Variants in CHFR observed in about 807,000 individuals in gnomAD.
CHFR encodes checkpoint with forkhead and ring finger domains.
CHFR carries 57 observed loss-of-function variants against 87.6 expected under a neutral mutation model. The ratio of observed to expected loss-of-function variants is 0.65; its 90% CI spans 0.53 to 0.81. The LOEUF is 0.81. Ranked by LOEUF, CHFR falls within the 30% of genes least tolerant of loss-of-function variation. The pLI is 0.00. For missense variants in CHFR, 797 were observed against 865.8 expected, an observed-to-expected ratio of 0.92 and a Z score of 1.00; for synonymous variants, 381 against 359.2, an observed-to-expected ratio of 1.06 and a Z score of -0.69.
chr12:132,879,401 T>C (rs538708822), intron 2 of CHFR, among the ~76,000 whole-genome samples: 23 of 151,402 alleles, frequency 1.5e-4, no homozygotes, highest in Non-Finnish European at 2.8e-4. Context: ...TTTTCTTTTT[T>C]TTTTTTTGAG....
At chr12:132,859,009 C>T (rs4758955) in intron 8 of CHFR, 59 bp downstream of exon 8, 311,147 of 1,536,066 alleles carry the variant, frequency 0.2, 32,850 homozygotes, top group African/African-American at 0.28. Context: ...CCCTGCCCCA[C>T]ACGGGACGAA....
chr12:132,865,387 G>T (rs1269472087), intron 6 of CHFR, among the ~76,000 whole-genome samples: 2 of 151,848 alleles, frequency 1.3e-5, no homozygotes, highest in African/African-American at 4.8e-5. Context: ...TTGAGACCTG[G>T]TCTGTCGCCC....
intron 12 of CHFR, among the ~76,000 whole-genome samples, chr12:132,850,359 C>T (rs6560907): frequency 0.21 from 31,354 of 152,066 alleles, 3,466 homozygotes; most frequent in African/African-American, 0.27. Flanking sequence ...CCTCTATATA[C>T]GAAGCATGCT....
intron 3 of CHFR, among the ~76,000 whole-genome samples, chr12:132,874,715 C>T (rs1158455213): frequency 1.4e-5 from 2 of 142,342 alleles, no homozygotes; most frequent in Non-Finnish European, 3.0e-5. Context: ...CCGGAACAGG[C>T]AGGAAGGCCC....
At chr12:132,841,841 C>A (rs1393641972) in intron 17 of CHFR, among the ~76,000 whole-genome samples, 1 of 152,114 alleles carries the variant, frequency 6.6e-6, no homozygotes, top group African/African-American at 2.4e-5. Flanking sequence ...CGCACAGTGG[C>A]TAATGTCTGT....
chr12:132,873,612 T>C (rs71452544), intron 3 of CHFR, among the ~76,000 whole-genome samples: 7,224 of 139,228 alleles, frequency 0.052, 386 homozygotes, highest in Middle Eastern at 0.11. Context: ...ACTGACTTTC[T>C]GTGTCCTCCT....
rs556075693 is a variant in CHFR at position 132,838,376 on chromosome 12, A to G, written c.*3178T>C. On this transcript the variant is annotated 3_prime_UTR_variant, in exon 18 of 18. Transcript: ENST00000450056. ...GACTTCCTGGCTGCAGTCAGAAGCT[A>G]TGACAGAGGCCATCCCAGAGAGGCC... is the stretch of plus-strand genomic sequence containing the variant. 17 of 152,426 alleles carry G rather than the reference A, an allele frequency of 1.1e-4. No homozygotes were observed. Among genetic ancestry groups the G allele is most frequent in the Non-Finnish European group, 2.2e-4 (15 of 68,088 alleles). The allele number at this position is 152,426 out of a possible 1,614,324, so 9.4% of individuals were successfully genotyped here.
In CHFR at chr12:132,840,834, G is replaced by C. The variant is rs1950693259; in HGVS notation, c.*720C>G. 1 of 152,374 alleles carries C rather than the reference G, an allele frequency of 6.6e-6. No individual in the cohort carries two copies. Among genetic ancestry groups the C allele is most frequent in the South Asian group, 2.1e-4 (1 of 4,836 alleles). The allele number at this position is 152,374 out of a possible 1,614,324, so 9.4% of individuals were successfully genotyped here. A position where few individuals can be genotyped will look rare whatever the true frequency, so the allele number is the denominator to read the frequency against. ...GACCTGCGTCCAGCCCCAGGCTCGGGGCCGCGGTCACTCACCGGTTAGCAA... is the reference window on the plus strand; with the variant it reads ...GACCTGCGTCCAGCCCCAGGCTCGGCGCCGCGGTCACTCACCGGTTAGCAA... On this transcript the variant is annotated 3_prime_UTR_variant, in exon 18 of 18. Coordinates refer to ENST00000450056, the MANE Select transcript of CHFR (RefSeq NM_001161346.2).
Position 132,841,377 on chromosome 12 carries a change from G to T in CHFR, c.*177C>A. 1.7e-6 allele frequency: 1 copy of T among 596,512 alleles called. No homozygotes were observed. The highest frequency in any genetic ancestry group is 3.0e-6 in the Non-Finnish European group (1 of 337,388). The allele number at this position is 596,512 out of a possible 1,614,324, so 37.0% of individuals were successfully genotyped here. On this transcript the variant is annotated 3_prime_UTR_variant, in exon 18 of 18. Transcript: ENST00000450056. ...GGGCTGCGGCCCCCGGGGCTCTGGG[G>T]AGGGTCTCACTCAGAGGGTAAAGCT...
chr12:132,857,660 G>A (rs1046034383), intron 8 of CHFR, 101 bp from the exon 9 acceptor site: 7 of 1,171,442 alleles, frequency 6.0e-6, no homozygotes, highest in Admixed American at 2.4e-5. Context: ...GCCTACAGGG[G>A]CCCAGCCATC....
At chr12:132,873,802 G>A (rs548921231) in intron 3 of CHFR, among the ~76,000 whole-genome samples, 3 of 152,326 alleles carry the variant, frequency 2.0e-5, no homozygotes, top group South Asian at 2.1e-4. Context: ...GCCGAGGGGC[G>A]ACTGCAGCCA....
chr12:132,848,832 AG>A, intron 12 of CHFR, 108 bp from the exon 13 acceptor site: 1 of 830,664 alleles, frequency 1.2e-6, no homozygotes, highest in Admixed American at 2.4e-5. Flanking sequence ...AACATTGTTC[AG>A]GAGGGGTCTC....
chr12:132,875,897 G>C (rs12832132), intron 3 of CHFR, among the ~76,000 whole-genome samples: 1 of 151,972 alleles, frequency 6.6e-6, no homozygotes, highest in South Asian at 2.1e-4. Context: ...AAAGCTGGCC[G>C]GGCGCGATGG....
At chr12:132,880,048 T>C (rs1349661297) in intron 2 of CHFR, among the ~76,000 whole-genome samples, 2 of 152,186 alleles carry the variant, frequency 1.3e-5, no homozygotes, top group African/African-American at 4.8e-5. Flanking sequence ...CCAGAGGGCT[T>C]GTAGACACTG....
intron 17 of CHFR, 137 bp from the exon 18 acceptor site, chr12:132,841,733 G>A: frequency 2.7e-6 from 2 of 750,418 alleles, no homozygotes; most frequent in Admixed American, 2.0e-5. Flanking sequence ...CTGAGAAAGA[G>A]TGTGTGTGCT....
intron 3 of CHFR, among the ~76,000 whole-genome samples, chr12:132,873,980 C>G (rs1951557180): frequency 6.6e-6 from 1 of 152,184 alleles, no homozygotes; most frequent in Non-Finnish European, 1.5e-5. Context: ...GCTCAGGGGC[C>G]CCTACACACG....
chr12:132,848,081 G>A lies in CHFR; in HGVS notation c.1647+4C>T. The A allele has an allele frequency of 6.2e-7, 1 of 1,614,016 alleles. No homozygotes were observed. Among genetic ancestry groups the A allele is most frequent in the South Asian group, 1.1e-5 (1 of 91,080 alleles). On this transcript the variant is annotated splice_donor_region_variant and intron_variant, in intron 14 of 17. Transcript: ENST00000450056. Reference sequence around the variant, plus strand: ...CGGCTCCCCAGCCCGCAGCGAGTCGGTACCTTCAGGATGTCTGACTCGTAG... The same window carrying A: ...CGGCTCCCCAGCCCGCAGCGAGTCGATACCTTCAGGATGTCTGACTCGTAG...
intron 2 of CHFR, among the ~76,000 whole-genome samples, chr12:132,886,396 T>C (rs1279089854): frequency 1.3e-5 from 2 of 151,424 alleles, no homozygotes; most frequent in African/African-American, 4.9e-5. Context: ...AAAAATTGCT[T>C]CCAAACAGCA....
intron 2 of CHFR, among the ~76,000 whole-genome samples, chr12:132,885,733 C>T (rs1036777502): frequency 1.3e-5 from 2 of 152,164 alleles, no homozygotes; most frequent in Non-Finnish European, 2.9e-5. Context: ...ATCTCATTAA[C>T]TCCTCAGAGC....
Sources: gnomAD v4.1 joint callset for allele counts (sites outside exome capture counted in the v4.1 genomes callset) on GRCh38, gnomAD v4.1.1 for gene constraint, MANE v1.5 for transcripts, NCBI Gene and HGNC (gene_info 2026-07-23, HGNC 2026-07-21) for gene names.